The following STIM1 variants were observed in gnomAD, a reference collection of about 807,000 sequenced individuals.
STIM1 encodes stromal interaction molecule 1.
In STIM1, 25 loss-of-function variants were observed where a neutral mutation model predicts 74.7. The observed-to-expected ratio is 0.33, with a 90% CI of 0.24 to 0.47. The LOEUF is 0.47. Ranked by LOEUF, STIM1 falls within the 20% of genes least tolerant of loss-of-function variation. STIM1 has a pLI of 1.00. For synonymous variants in STIM1, 328 were observed against 348.8 expected (o/e 0.94, Z 0.66); for missense variants, 728 against 920.8 (o/e 0.79, Z 2.71).
chr11:4,051,914 G>C (rs368279943), intron 3 of STIM1, among the ~76,000 whole-genome samples: 242 of 152,230 alleles, frequency 1.6e-3, no homozygotes, highest in African/African-American at 5.4e-3. Flanking sequence ...AAAGTCTCAG[G>C]ATACAAAATC....
intron 3 of STIM1, among the ~76,000 whole-genome samples, chr11:4,041,325 G>T (rs2094145418): frequency 6.6e-6 from 1 of 152,086 alleles, no homozygotes; most frequent in South Asian, 2.1e-4. Flanking sequence ...CCTCTGTGCT[G>T]GTTAACTCAC....
In STIM1 at chr11:3,973,150, G is replaced by A. The variant is rs1196817795; in HGVS notation, c.270+5468G>A. The A allele has an allele frequency of 9.7e-6, 4 of 413,862 alleles. No homozygotes were observed. The Admixed American group carries it at 1.2e-4, about 12-fold the overall frequency. 25.6% of individuals were successfully genotyped at this position (413,862 alleles called of 1,614,324 possible). On this transcript the variant is annotated intron_variant, in intron 2 of 12. Transcript: ENST00000526596. Reference sequence around the variant, plus strand: ...GGGCTGCCCCTCTATAACCACTGTTGTTACCAAATCCATTATAGCCATCCC... The same window carrying A: ...GGGCTGCCCCTCTATAACCACTGTTATTACCAAATCCATTATAGCCATCCC...
intron 12 of STIM1, among the ~76,000 whole-genome samples, chr11:4,090,921 T>A (rs2094520452): frequency 6.6e-6 from 1 of 152,054 alleles, no homozygotes; most frequent in Non-Finnish European, 1.5e-5. Flanking sequence ...GTTTCTTCCC[T>A]CCCTATCACT....
chr11:3,912,110 CCCTTCTCCCTAA>C (rs1425583492), intron 1 of STIM1, among the ~76,000 whole-genome samples: 1 of 151,130 alleles, frequency 6.6e-6, no homozygotes, highest in Non-Finnish European at 1.5e-5. Context: ...CTTCTCCTTT[CCCTTCTCCCTAA>C]CCTTCTCCCC....
chr11:3,858,828 C>T (rs770632641), intron 1 of STIM1, among the ~76,000 whole-genome samples: 4 of 152,164 alleles, frequency 2.6e-5, no homozygotes, highest in Non-Finnish European at 5.9e-5. Flanking sequence ...TCACAATAGC[C>T]CTGTTACAAT....
chr11:4,037,092 G>T (rs2094110046), intron 3 of STIM1, among the ~76,000 whole-genome samples: 1 of 148,076 alleles, frequency 6.8e-6, no homozygotes, highest in South Asian at 2.1e-4. Context: ...GTCTCGCTCT[G>T]TTGCCCAGGC....
At chr11:3,904,453 C>T (rs940513125) in intron 1 of STIM1, among the ~76,000 whole-genome samples, 22 of 151,936 alleles carry the variant, frequency 1.4e-4, no homozygotes, top group Admixed American at 1.2e-3. Flanking sequence ...GTGTGAAGGG[C>T]CAGATCCCGA....
At chr11:3,965,046 C>T (rs1011337237) in intron 1 of STIM1, among the ~76,000 whole-genome samples, 1 of 152,152 alleles carries the variant, frequency 6.6e-6, no homozygotes, top group Non-Finnish European at 1.5e-5. Context: ...TCTTTTAGGT[C>T]AATCCAATAT....
intron 2 of STIM1, among the ~76,000 whole-genome samples, chr11:3,995,728 T>A (rs1270976396): frequency 6.6e-6 from 1 of 151,938 alleles, no homozygotes; most frequent in Non-Finnish European, 1.5e-5. Flanking sequence ...CACTGCAGCC[T>A]CAACCTCCTG....
At chr11:3,873,445 C>CT (rs796543610) in intron 1 of STIM1, among the ~76,000 whole-genome samples, 248 of 142,124 alleles carry the variant, frequency 1.7e-3, no homozygotes, top group Admixed American at 1.9e-3. Context: ...AAATTAAAAA[C>CT]TTTTTTTTTT....
intron 1 of STIM1, among the ~76,000 whole-genome samples, chr11:3,876,572 A>G (rs2091313185): frequency 6.6e-6 from 1 of 152,040 alleles, no homozygotes; most frequent in African/African-American, 2.4e-5. Flanking sequence ...CACCTGACTG[A>G]TTTTATTTTT....
intron 2 of STIM1, among the ~76,000 whole-genome samples, chr11:3,998,919 T>C (rs2093686464): frequency 6.6e-6 from 1 of 152,236 alleles, no homozygotes; most frequent in African/African-American, 2.4e-5. Flanking sequence ...CTGTAAAGGA[T>C]TAGATAGTAA....
intron 6 of STIM1, among the ~76,000 whole-genome samples, chr11:4,070,662 T>C (rs1318252492): frequency 6.6e-6 from 1 of 152,226 alleles, no homozygotes; most frequent in Non-Finnish European, 1.5e-5. Context: ...TATATAACTT[T>C]GGATAAATTT....
At chr11:4,008,610 CAG>C (rs1198117274) in intron 2 of STIM1, among the ~76,000 whole-genome samples, 1 of 151,980 alleles carries the variant, frequency 6.6e-6, no homozygotes, top group East Asian at 1.9e-4. Context: ...TGAGAGTGTC[CAG>C]AGTTTATGCT....
intron 1 of STIM1, chr11:3,947,806 T>G (rs1219674236): frequency 6.6e-6 from 1 of 152,204 alleles, no homozygotes; most frequent in Non-Finnish European, 1.5e-5. Flanking sequence ...TCACCATATA[T>G]GTGACCTTGG....
intron 2 of STIM1, among the ~76,000 whole-genome samples, chr11:4,010,862 C>T (rs1371572315): frequency 1.3e-5 from 2 of 152,144 alleles, no homozygotes; most frequent in Admixed American, 1.3e-4. Context: ...AATGCTATCC[C>T]TCCCCCAGCC....
intron 1 of STIM1, among the ~76,000 whole-genome samples, chr11:3,913,102 C>G (rs905547138): frequency 6.6e-6 from 1 of 152,184 alleles, no homozygotes; most frequent in African/African-American, 2.4e-5. Context: ...GTTTAATCCA[C>G]TGTATTTGAG....
intron 1 of STIM1, among the ~76,000 whole-genome samples, chr11:3,898,654 A>G (rs1379151288): frequency 6.6e-6 from 1 of 151,846 alleles, no homozygotes; most frequent in East Asian, 1.9e-4. Flanking sequence ...TTTAGGTCTA[A>G]CGTTTAAGTC....
At chr11:3,941,696 A>AGAGAGAGAGAGAGAGAGAGAGTGT (rs1214690521) in intron 1 of STIM1, among the ~76,000 whole-genome samples, 10 of 141,876 alleles carry the variant, frequency 7.0e-5, no homozygotes, top group African/African-American at 1.1e-4. Context: ...AGAGAGAGAG[A>AGAGAGAGAGAGAGAGAGAGAGTGT]GTGTGTGTGT....
Sources: gnomAD v4.1 joint callset for allele counts (sites outside exome capture counted in the v4.1 genomes callset) on GRCh38, gnomAD v4.1.1 for gene constraint, MANE v1.5 for transcripts, NCBI Gene and HGNC (gene_info 2026-07-23, HGNC 2026-07-21) for gene names.